Variants in ZNF556 observed in about 807,000 individuals in gnomAD.
The protein encoded by ZNF556 is zinc finger protein 556.
In ZNF556, 11 loss-of-function variants were observed where a neutral mutation model predicts 13.6. That is an observed-to-expected ratio of 0.81 (90% CI 0.51 to 1.33). The LOEUF (loss-of-function observed/expected upper bound fraction) is 1.33. Among genes scored for constraint, ZNF556 ranks in the 40% most tolerant of loss-of-function variants. The probability of loss-of-function intolerance (pLI) is 0.00; values close to 1 mark genes in which losing one functional copy is unlikely to be tolerated. For missense variants in ZNF556, 633 were observed against 566.2 expected (o/e 1.12, Z -1.20); for synonymous variants, 229 against 207.8 (o/e 1.10, Z -0.88).
At chr19:2,868,400 T>G (rs548818772) in intron 1 of ZNF556, among the ~76,000 whole-genome samples, 1 of 152,284 alleles carries the variant, frequency 6.6e-6, no homozygotes, top group South Asian at 2.1e-4. Context: ...AGATGATAAT[T>G]CTGTTCTTTT....
In ZNF556 at chr19:2,882,289, G is replaced by T. The variant is rs536452384; in HGVS notation, c.*3960G>T. The T allele has an allele frequency of 6.6e-6, 1 of 151,516 alleles. No individual in the cohort carries two copies. The highest frequency in any genetic ancestry group is 2.1e-4 in the South Asian group (1 of 4,768). The allele number at this position is 151,516 out of a possible 1,614,324, so 9.4% of individuals were successfully genotyped here. A position where few individuals can be genotyped will look rare whatever the true frequency, so the allele number is the denominator to read the frequency against. On this transcript the variant is annotated 3_prime_UTR_variant, in exon 4 of 4. Coordinates refer to ENST00000307635, the MANE Select transcript of ZNF556 (RefSeq NM_024967.3). ...AAAAAATACAAAAAATTAGCTGGGC[G>T]TGGTGGCAGGTGCCTGTAGTCCCAG...
In ZNF556 at chr19:2,867,712, C is replaced by CAAAAAAAAAAA. The variant is rs377752421; in HGVS notation, c.3+294_3+295insAAAAAAAAAAA. 4.7e-5 allele frequency among the ~76,000 whole-genome samples: 4 copies of CAAAAAAAAAAA among 85,584 alleles called. 2 individuals carry two copies. Among genetic ancestry groups the CAAAAAAAAAAA allele is most frequent in the Non-Finnish European group, 9.4e-5 (4 of 42,628 alleles). The allele number at this position is 85,584 out of a possible 152,430, so 56.1% of individuals were successfully genotyped here. A position where few individuals can be genotyped will look rare whatever the true frequency, so the allele number is the denominator to read the frequency against. The stretch of plus-strand genomic sequence containing the variant: ...TTGGAAGAAAAACTAACCCAAAGTA[C>CAAAAAAAAAAA]AAAAAACAAAACAAAAAAAAAAAAA... On this transcript the variant is annotated intron_variant, in intron 1 of 3. Transcript: ENST00000307635.
At chr19:2,871,823 C>T (rs967693508) in intron 1 of ZNF556, among the ~76,000 whole-genome samples, 5 of 152,034 alleles carry the variant, frequency 3.3e-5, no homozygotes, top group Admixed American at 2.0e-4. Context: ...GTAGTGGCCC[C>T]GAATGCCAGG....
intron 3 of ZNF556, among the ~76,000 whole-genome samples, chr19:2,876,946 C>CT (rs1209295405): frequency 6.6e-6 from 1 of 152,024 alleles, no homozygotes; most frequent in African/African-American, 2.4e-5. Context: ...GGTGCAGTGG[C>CT]TTATGCCTGT....
chr19:2,867,811 C>T (rs2087769643), intron 1 of ZNF556, among the ~76,000 whole-genome samples: 1 of 151,938 alleles, frequency 6.6e-6, no homozygotes, highest in Non-Finnish European at 1.5e-5. Flanking sequence ...GGCCCAGGCC[C>T]ACGTCCCTGG....
At position 2,880,378 on chromosome 19, in the gene ZNF556, A is replaced by C. The variant is rs2087895398; in HGVS notation, c.*2049A>C. 6.6e-6 allele frequency: 1 copy of C among 152,250 alleles called. No homozygotes were observed. The highest frequency in any genetic ancestry group is 2.4e-5 in the African/African-American group (1 of 41,470). The allele number at this position is 152,250 out of a possible 1,614,324, so 9.4% of individuals were successfully genotyped here. ...GCCTATTTAACTGAGTTTTTCAAAT[A>C]AGTTGTATACTAACAAATGTCAATC... is the stretch of plus-strand genomic sequence containing the variant. On this transcript the variant is annotated 3_prime_UTR_variant, in exon 4 of 4. Coordinates refer to ENST00000307635, the MANE Select transcript of ZNF556 (RefSeq NM_024967.3).
intron 1 of ZNF556, 82 bp from the exon 2 acceptor site, chr19:2,873,414 G>A: frequency 1.3e-6 from 2 of 1,525,324 alleles, no homozygotes; most frequent in South Asian, 1.2e-5. Flanking sequence ...GATCTTGTGT[G>A]AGTGTCCTAT....
At position 2,880,283 on chromosome 19, in the gene ZNF556, C is replaced by G. The variant is rs899430651; in HGVS notation, c.*1954C>G. ...AAAAGTTTCTGTTTCTGAGAAATAT[C>G]TATTTACTGTGTTTGTGTTTTTAAA... On this transcript the variant is annotated 3_prime_UTR_variant, in exon 4 of 4. Transcript: ENST00000307635. The G allele has an allele frequency of 6.6e-6, 1 of 152,076 alleles. No homozygotes were observed. Among genetic ancestry groups the G allele is most frequent in the Non-Finnish European group, 1.5e-5 (1 of 68,008 alleles). 9.4% of individuals were successfully genotyped at this position (152,076 alleles called of 1,614,324 possible).
chr19:2,872,100 G>A (rs957355723), intron 1 of ZNF556, among the ~76,000 whole-genome samples: 6 of 152,144 alleles, frequency 3.9e-5, no homozygotes, highest in African/African-American at 1.4e-4. Flanking sequence ...ACATGAAAGC[G>A]GACTAGGAGC....
At chr19:2,871,745 A>G (rs1430260035) in intron 1 of ZNF556, among the ~76,000 whole-genome samples, 1 of 152,236 alleles carries the variant, frequency 6.6e-6, no homozygotes, top group East Asian at 1.9e-4. Flanking sequence ...GTAGAAATAA[A>G]GACACAAGAC....
intron 2 of ZNF556, among the ~76,000 whole-genome samples, chr19:2,874,223 C>G (rs2087830390): frequency 6.6e-6 from 1 of 152,138 alleles, no homozygotes; most frequent in South Asian, 2.1e-4. Flanking sequence ...TGCCACTGCA[C>G]TCTAGCCTGG....
Position 2,876,160 on chromosome 19 carries a change from C to T in ZNF556, c.198C>T (p.Ser66=), listed in dbSNP as rs755800523. The stretch of plus-strand genomic sequence containing the variant: ...AGGATACTTCTGGAGAAAAATTATC[C>T]CTCAAACAGAAAATAGAAAAGTTCA... ...SQQDTSGEKL[S]LKQKIEKFTR... Residue 66 remains serine, a synonymous_variant, in exon 3 of 4, where the codon TCC becomes TCT. Coordinates refer to ENST00000307635, the MANE Select transcript of ZNF556 (RefSeq NM_024967.3). 3 of 1,612,560 alleles carry T rather than the reference C, an allele frequency of 1.9e-6. No individual in the cohort carries two copies. Among genetic ancestry groups the T allele is most frequent in the Non-Finnish European group, 2.5e-6 (3 of 1,179,588 alleles).
chr19:2,877,134 T>C lies in ZNF556; in HGVS notation c.315-139T>C, dbSNP rs112064446. On this transcript the variant is annotated intron_variant, in intron 3 of 3. Coordinates refer to ENST00000307635, the MANE Select transcript of ZNF556 (RefSeq NM_024967.3). ...AGGCTGAGACAGAATTGTTTGAACC[T>C]GGGAGGCAGAGGTTGCAGTGAGCCA... 1,568 of 637,816 alleles carry C rather than the reference T, an allele frequency of 2.5e-3. 14 individuals are homozygous for C. The African/African-American group carries it at 0.027, about 11-fold the overall frequency. The allele number at this position is 637,816 out of a possible 1,614,324, so 39.5% of individuals were successfully genotyped here. A position where few individuals can be genotyped will look rare whatever the true frequency, so the allele number is the denominator to read the frequency against.
In ZNF556 at chr19:2,881,761, A is replaced by C. The variant is rs554699149; in HGVS notation, c.*3432A>C. ...TCTTAAATACTATTTCTTTTTTTTT[A>C]ATACTATTTCAAGAACTGCTCATGA... On this transcript the variant is annotated 3_prime_UTR_variant, in exon 4 of 4. Transcript: ENST00000307635. 2 of 151,438 alleles carry C rather than the reference A, an allele frequency of 1.3e-5. No individual in the cohort carries two copies. Among genetic ancestry groups the C allele is most frequent in the African/African-American group, 4.9e-5 (2 of 41,108 alleles). 9.4% of individuals were successfully genotyped at this position (151,438 alleles called of 1,614,324 possible).
intron 3 of ZNF556, 27 bp downstream of exon 3, chr19:2,876,303 A>G (rs1354415395): frequency 6.5e-7 from 1 of 1,547,408 alleles, no homozygotes; most frequent in Middle Eastern, 2.1e-4. Context: ...AGAAAAAGGC[A>G]GTATCGCCAG....
At position 2,876,079 on chromosome 19, in the gene ZNF556, C is replaced by T. The variant is rs771129133; in HGVS notation, c.131-14C>T. The T allele has an allele frequency of 7.5e-6, 12 of 1,591,460 alleles. No individual in the cohort carries two copies. The highest frequency in any genetic ancestry group is 1.2e-5 in the South Asian group (1 of 85,126). ...ATGCCTTCCTCATCATATTGGTTCA[C>T]TTTTTTGTTTCAGATAATGAGGCTC... On this transcript the variant is annotated splice_polypyrimidine_tract_variant and intron_variant, in intron 2 of 3. Transcript: ENST00000307635.
intron 1 of ZNF556, among the ~76,000 whole-genome samples, chr19:2,868,243 A>G (rs947292087): frequency 6.6e-6 from 1 of 152,130 alleles, no homozygotes; most frequent in African/African-American, 2.4e-5. Context: ...ATCGCAGAGA[A>G]AGAGAGAAAA....
chr19:2,876,885 G>T (rs2087856796), intron 3 of ZNF556, among the ~76,000 whole-genome samples: 1 of 152,010 alleles, frequency 6.6e-6, no homozygotes, highest in Non-Finnish European at 1.5e-5. Flanking sequence ...ATAGAAAATG[G>T]CAAAAATGTT....
chr19:2,874,141 C>T (rs925747981), intron 2 of ZNF556, among the ~76,000 whole-genome samples: 2 of 151,246 alleles, frequency 1.3e-5, no homozygotes, highest in Non-Finnish European at 2.9e-5. Flanking sequence ...CCTGTAATCC[C>T]AGCTACTCGG....
Sources: gnomAD v4.1 joint callset for allele counts (sites outside exome capture counted in the v4.1 genomes callset) on GRCh38, gnomAD v4.1.1 for gene constraint, MANE v1.5 for transcripts, NCBI Gene and HGNC (gene_info 2026-07-23, HGNC 2026-07-21) for gene names.